The following ALK variants were observed in gnomAD, a reference collection of about 807,000 sequenced individuals.
ALK encodes the protein ALK receptor tyrosine kinase, also known as ALK tyrosine kinase receptor.
A neutral mutation model predicts 163.1 loss-of-function variants in ALK; 74 were observed. The observed-to-expected ratio is 0.45, with a 90% CI of 0.38 to 0.55. ALK has a LOEUF of 0.55. Among genes scored for constraint, ALK ranks in the 20% least tolerant of loss-of-function variants. ALK has a pLI of 0.00. For missense variants in ALK, 2,063 were observed against 2,105.3 expected (o/e 0.98, Z 0.39); for synonymous variants, 960 against 843.2 (o/e 1.14, Z -2.40).
At chr2:29,736,964 C>T (rs558276605) in intron 1 of ALK, among the ~76,000 whole-genome samples, 2 of 152,118 alleles carry the variant, frequency 1.3e-5, no homozygotes, top group Non-Finnish European at 2.9e-5. Context: ...CAGTGATGTT[C>T]CTTGTTCCAG....
At chr2:29,251,917 C>T (rs1236912676) in intron 11 of ALK, among the ~76,000 whole-genome samples, 2 of 152,220 alleles carry the variant, frequency 1.3e-5, no homozygotes, top group Non-Finnish European at 2.9e-5. Context: ...TCAGACGCTC[C>T]CTAACAGACC....
At chr2:29,355,809 G>A (rs1176792717) in intron 5 of ALK, among the ~76,000 whole-genome samples, 1 of 152,118 alleles carries the variant, frequency 6.6e-6, no homozygotes, top group Non-Finnish European at 1.5e-5. Context: ...TTGGTGGGGA[G>A]CTTAACTCCA....
At chr2:29,451,710 T>C (rs1670824037) in intron 4 of ALK, among the ~76,000 whole-genome samples, 1 of 152,218 alleles carries the variant, frequency 6.6e-6, no homozygotes, top group Non-Finnish European at 1.5e-5. Flanking sequence ...TGATTCTTAA[T>C]ATGAGCTGTC....
rs1172702963 is a variant in ALK, at chr2:29,705,240, A to AATATATATATAT, written c.788-10238_788-10227dup. 1.9e-3 allele frequency among the ~76,000 whole-genome samples: 89 copies of AATATATATATAT among 47,140 alleles called. 4 individuals carry two copies. Among genetic ancestry groups the AATATATATATAT allele is most frequent in the Non-Finnish European group, 2.9e-3 (63 of 22,078 alleles). 30.9% of individuals were successfully genotyped at this position (47,140 alleles called of 152,430 possible). A position where few individuals can be genotyped will look rare whatever the true frequency, so the allele number is the denominator to read the frequency against. On this transcript the variant is annotated intron_variant, in intron 2 of 28. Transcript: ENST00000389048. ...CTCAACAAAAAAAGAAAAGAAAAGAAATATATATATATATATATATATATA... is the reference window on the plus strand; with the variant it reads ...CTCAACAAAAAAAGAAAAGAAAAGAAATATATATATATATATATATATATATATATATATATA...
rs538699375 is a variant in ALK at position 29,225,269 on chromosome 2, G to A, written c.3172+192C>T. ...AGAATCAGGGGCTCCTCAGGGAACT[G>A]CAGCTGCTCTGGTGGGGGGAAGGTT... On this transcript the variant is annotated intron_variant, in intron 19 of 28. Transcript: ENST00000389048. 2.1e-4 allele frequency among the ~76,000 whole-genome samples: 32 copies of A among 152,276 alleles called. No homozygotes were observed. The East Asian group carries it at 3.5e-3, about 17-fold the overall frequency.
chr2:29,392,238 T>A (rs1427571596), intron 4 of ALK, among the ~76,000 whole-genome samples: 1 of 152,204 alleles, frequency 6.6e-6, no homozygotes, highest in Non-Finnish European at 1.5e-5. Context: ...CATATCATCA[T>A]CCTCATTTTA....
chr2:29,637,126 T>C (rs1216570816), intron 3 of ALK, among the ~76,000 whole-genome samples: 1 of 152,126 alleles, frequency 6.6e-6, no homozygotes, highest in Non-Finnish European at 1.5e-5. Flanking sequence ...CACACAAAAA[T>C]CTGTACACAA....
intron 3 of ALK, among the ~76,000 whole-genome samples, chr2:29,594,487 G>A (rs551044223): frequency 1.4e-5 from 2 of 146,852 alleles, no homozygotes; most frequent in South Asian, 4.3e-4. Flanking sequence ...GGAGTGTAGT[G>A]GCACAATCTC....
intron 25 of ALK, 62 bp from the exon 26 acceptor site, chr2:29,207,334 CTGGGAAAGT>C: frequency 7.5e-7 from 1 of 1,333,206 alleles, no homozygotes; most frequent in Admixed American, 1.7e-5. Context: ...ATCTGCCCTG[CTGGGAAAGT>C]TGAGAAAGTG....
intron 3 of ALK, among the ~76,000 whole-genome samples, chr2:29,585,235 G>A (rs1032810998): frequency 2.0e-5 from 3 of 151,970 alleles, no homozygotes; most frequent in Non-Finnish European, 4.4e-5. Context: ...TTTACTTTAG[G>A]TGATGATGCA....
Position 29,584,870 on chromosome 2 carries a change from C to G in ALK, c.953-52754G>C, listed in dbSNP as rs186335888. 3.7e-4 allele frequency among the ~76,000 whole-genome samples: 56 copies of G among 152,324 alleles called. 1 individual carries two copies. Among genetic ancestry groups the G allele is most frequent in the East Asian group, 3.3e-3 (17 of 5,190 alleles). On this transcript the variant is annotated intron_variant, in intron 3 of 28. Transcript: ENST00000389048. ...TTAAGGATCCATATAAAAGATTTCTCTCTGGTCATAGTTTCAGACCACATA... is the reference window on the plus strand; with the variant it reads ...TTAAGGATCCATATAAAAGATTTCTGTCTGGTCATAGTTTCAGACCACATA...
chr2:29,671,548 G>A (rs1329544730), intron 3 of ALK, among the ~76,000 whole-genome samples: 5 of 152,052 alleles, frequency 3.3e-5, no homozygotes, highest in Admixed American at 2.0e-4. Context: ...ACCCTAAGAA[G>A]GTGGAGAAGC....
At chr2:29,574,346 T>A (rs1198977005) in intron 3 of ALK, among the ~76,000 whole-genome samples, 2 of 152,234 alleles carry the variant, frequency 1.3e-5, no homozygotes, top group Non-Finnish European at 2.9e-5. Context: ...AGGCTCTTTC[T>A]AAACCGAAAC....
intron 4 of ALK, among the ~76,000 whole-genome samples, chr2:29,470,259 A>G (rs1304819478): frequency 1.3e-5 from 2 of 152,228 alleles, no homozygotes; most frequent in Non-Finnish European, 2.9e-5. Context: ...TCACAATGAA[A>G]AGGTCTAAAA....
At chr2:29,294,867 G>A (rs1468231616) in intron 9 of ALK, among the ~76,000 whole-genome samples, 1 of 152,190 alleles carries the variant, frequency 6.6e-6, no homozygotes, top group Non-Finnish European at 1.5e-5. Context: ...CATCTAGAGT[G>A]CTTCTTTGGT....
intron 7 of ALK, 143 bp downstream of exon 7, chr2:29,320,608 A>C: frequency 9.0e-7 from 1 of 1,114,692 alleles, no homozygotes; most frequent in Non-Finnish European, 1.4e-6. Context: ...TGAAGAGGGA[A>C]TTGTGTGTGA....
chr2:29,606,510 G>A (rs191238362), intron 3 of ALK, among the ~76,000 whole-genome samples: 3 of 152,336 alleles, frequency 2.0e-5, no homozygotes, highest in East Asian at 3.9e-4. Context: ...GCCAAAGAGA[G>A]GTAAGTAGGA....
intron 1 of ALK, among the ~76,000 whole-genome samples, chr2:29,898,192 G>T (rs1212268516): frequency 6.6e-6 from 1 of 152,236 alleles, no homozygotes; most frequent in Non-Finnish European, 1.5e-5. Context: ...GCTGTCCATA[G>T]CAGGCCTGTC....
At chr2:29,762,956 G>A (rs1254452730) in intron 1 of ALK, among the ~76,000 whole-genome samples, 4 of 152,008 alleles carry the variant, frequency 2.6e-5, no homozygotes. Context: ...GCGTGGTGAT[G>A]TATGCCTATA....
Sources: gnomAD v4.1 joint callset for allele counts (sites outside exome capture counted in the v4.1 genomes callset) on GRCh38, gnomAD v4.1.1 for gene constraint, MANE v1.5 for transcripts, NCBI Gene and HGNC (gene_info 2026-07-23, HGNC 2026-07-21) for gene names.